The following CENPW variants were observed in gnomAD, a reference collection of about 807,000 sequenced individuals.
The protein encoded by CENPW is centromere protein W.
A neutral mutation model predicts 11.1 loss-of-function variants in CENPW; 3 were observed. The observed-to-expected ratio is 0.27, with a 90% CI of 0.12 to 0.70. The LOEUF (loss-of-function observed/expected upper bound fraction) is 0.70, where lower values mean the gene tolerates loss of function less well. Among genes scored for constraint, CENPW ranks in the 30% least tolerant of loss-of-function variants. CENPW has a pLI of 0.77. For synonymous variants in CENPW, 38 were observed against 42.0 expected, an observed-to-expected ratio of 0.91 and a Z score of 0.37; for missense variants, 100 against 105.6, an observed-to-expected ratio of 0.95 and a Z score of 0.23.
chr6:126,384,409 G>T, the CENPW span, among the ~76,000 whole-genome samples: 2 of 152,012 alleles, frequency 1.3e-5, no homozygotes, highest in East Asian at 3.9e-4. Context: ...AAGCATCATG[G>T]TACTATTACA....
the CENPW span, among the ~76,000 whole-genome samples, chr6:126,408,518 G>T: frequency 5.9e-5 from 9 of 151,998 alleles, no homozygotes; most frequent in Non-Finnish European, 1.2e-4. Context: ...GGGAATTATG[G>T]GAGCTACTAT....
At chr6:126,410,961 A>G in the CENPW span, among the ~76,000 whole-genome samples, 2 of 152,070 alleles carry the variant, frequency 1.3e-5, no homozygotes, top group African/African-American at 4.8e-5. Flanking sequence ...ATTATTTTTA[A>G]TACCTTTTCC....
At chr6:126,467,781 AT>A in the CENPW span, among the ~76,000 whole-genome samples, 12 of 152,160 alleles carry the variant, frequency 7.9e-5, no homozygotes, top group African/African-American at 2.9e-4. Flanking sequence ...AAAATACAGT[AT>A]AAAAAGGGGC....
At chr6:126,424,191 G>T in the CENPW span, among the ~76,000 whole-genome samples, 2 of 151,936 alleles carry the variant, frequency 1.3e-5, no homozygotes, top group African/African-American at 2.4e-5. Context: ...TGTCCTTTTA[G>T]AACAAATAAT....
chr6:126,343,779 G>A (rs750463598), intron 1 of CENPW, among the ~76,000 whole-genome samples: 4 of 152,190 alleles, frequency 2.6e-5, no homozygotes, highest in Non-Finnish European at 5.9e-5. Context: ...CATGCTGGCA[G>A]CTGATTAGAT....
the CENPW span, among the ~76,000 whole-genome samples, chr6:126,417,682 G>A: frequency 6.6e-6 from 1 of 152,086 alleles, no homozygotes; most frequent in East Asian, 1.9e-4. Context: ...AAGATTGTGA[G>A]GCCTCCCCAG....
chr6:126,455,762 A>T, the CENPW span, among the ~76,000 whole-genome samples: 2 of 151,378 alleles, frequency 1.3e-5, no homozygotes, highest in South Asian at 4.1e-4. Context: ...CCAAATAGAA[A>T]GAGAAGAAGT....
At chr6:126,458,515 T>A in the CENPW span, among the ~76,000 whole-genome samples, 1 of 151,326 alleles carries the variant, frequency 6.6e-6, no homozygotes, top group Non-Finnish European at 1.5e-5. Context: ...CATCGATGCT[T>A]TTTCTACCAG....
At chr6:126,366,195 T>C in the CENPW span, among the ~76,000 whole-genome samples, 5 of 152,156 alleles carry the variant, frequency 3.3e-5, no homozygotes, top group Non-Finnish European at 7.4e-5. Context: ...GTATTATAAG[T>C]TCAAGTTAGA....
At chr6:126,398,710 C>T in the CENPW span, among the ~76,000 whole-genome samples, 1 of 151,980 alleles carries the variant, frequency 6.6e-6, no homozygotes, top group African/African-American at 2.4e-5. Flanking sequence ...AGATTTGTTA[C>T]ATGGGTATAT....
At chr6:126,437,394 C>G in the CENPW span, among the ~76,000 whole-genome samples, 65,372 of 151,720 alleles carry the variant, frequency 0.43, 16,435 homozygotes, top group East Asian at 0.97. Flanking sequence ...TGGTTTTCCA[C>G]CAACTCTGCT....
the CENPW span, among the ~76,000 whole-genome samples, chr6:126,442,213 G>A: frequency 9.2e-5 from 14 of 151,722 alleles, no homozygotes; most frequent in South Asian, 2.9e-3. Flanking sequence ...GCGATGTTGA[G>A]CATTTTTTCA....
the CENPW span, among the ~76,000 whole-genome samples, chr6:126,444,865 G>A: frequency 2.0e-5 from 3 of 151,104 alleles, no homozygotes; most frequent in African/African-American, 4.8e-5. Context: ...GGTCAGATGA[G>A]CCTGCCCAGT....
the CENPW span, among the ~76,000 whole-genome samples, chr6:126,465,721 T>C: frequency 7.2e-5 from 11 of 151,938 alleles, no homozygotes; most frequent in African/African-American, 2.7e-4. Context: ...CACATAAACA[T>C]AGAGAATTGA....
the CENPW span, among the ~76,000 whole-genome samples, chr6:126,453,119 C>T: frequency 4.4e-4 from 67 of 151,210 alleles, no homozygotes; most frequent in African/African-American, 1.6e-3. Flanking sequence ...AGAAAGCAAG[C>T]AACTTGGAAA....
chr6:126,387,183 C>G, the CENPW span, among the ~76,000 whole-genome samples: 1 of 151,820 alleles, frequency 6.6e-6, no homozygotes, highest in Non-Finnish European at 1.5e-5. Context: ...CTTGTCCTAA[C>G]TCATCTTTAC....
the CENPW span, among the ~76,000 whole-genome samples, chr6:126,431,327 A>G: frequency 2.6e-5 from 4 of 152,176 alleles, no homozygotes; most frequent in Admixed American, 6.5e-5. Context: ...TTGCATTTTA[A>G]AAGGATATAC....
At chr6:126,361,773 T>C in the CENPW span, among the ~76,000 whole-genome samples, 2 of 152,004 alleles carry the variant, frequency 1.3e-5, no homozygotes, top group Non-Finnish European at 2.9e-5. Flanking sequence ...GACAGGGAGA[T>C]AGACTACACT....
At chr6:126,376,210 G>A in the CENPW span, among the ~76,000 whole-genome samples, 2 of 152,136 alleles carry the variant, frequency 1.3e-5, no homozygotes, top group Non-Finnish European at 2.9e-5. Context: ...AAAATTTGGT[G>A]CAGTAAAGAT....
Sources: gnomAD v4.1 joint callset for allele counts (sites outside exome capture counted in the v4.1 genomes callset) on GRCh38, gnomAD v4.1.1 for gene constraint, MANE v1.5 for transcripts, NCBI Gene and HGNC (gene_info 2026-07-23, HGNC 2026-07-21) for gene names.